Variants in TMEM184B observed in about 807,000 individuals in gnomAD.
TMEM184B encodes putative MAPK-activating protein FM08.
TMEM184B carries 17 observed loss-of-function variants against 41.8 expected under a neutral mutation model. The ratio of observed to expected loss-of-function variants is 0.41; its 90% confidence interval spans 0.28 to 0.61. The LOEUF (loss-of-function observed/expected upper bound fraction) is 0.61, where lower values mean the gene tolerates loss of function less well. Ranked by LOEUF, TMEM184B falls within the 20% of genes least tolerant of loss-of-function variation. The probability of loss-of-function intolerance (pLI) is 0.34; values close to 1 mark genes in which losing one functional copy is unlikely to be tolerated. For missense variants in TMEM184B, 393 were observed against 557.8 expected (o/e 0.70, Z 2.98); for synonymous variants, 240 against 229.5 (o/e 1.05, Z -0.41).
Position 38,221,051 on chromosome 22 carries a change from A to C in TMEM184B, c.*418T>G. The C allele has an allele frequency of 1.9e-6, 2 of 1,033,932 alleles. No individual in the cohort carries two copies. The highest frequency in any genetic ancestry group is 1.2e-6 in the Non-Finnish European group (1 of 860,222). The allele number at this position is 1,033,932 out of a possible 1,614,324, so 64.0% of individuals were successfully genotyped here. ...GGGAAGAGCCCAGGTCAGACAGGGT[A>C]TTGCACGGTGTGTGGGGGAGCCACG... On this transcript the variant is annotated 3_prime_UTR_variant, in exon 9 of 9. Transcript: ENST00000361906.
At chr22:38,245,420 G>T (rs1422573112) in intron 3 of TMEM184B, among the ~76,000 whole-genome samples, 1 of 145,066 alleles carries the variant, frequency 6.9e-6, no homozygotes, top group Non-Finnish European at 1.5e-5. Context: ...GACCCAGGGG[G>T]AGGGCCCTTG....
chr22:38,260,196 C>A (rs1345105344), intron 1 of TMEM184B, among the ~76,000 whole-genome samples: 3 of 152,114 alleles, frequency 2.0e-5, no homozygotes, highest in Non-Finnish European at 4.4e-5. Flanking sequence ...GCGTGATCCA[C>A]CACACCCGGC....
In TMEM184B at chr22:38,219,789, C is replaced by T; in HGVS notation, c.*1680G>A. The T allele has an allele frequency of 1.0e-6, 1 of 985,568 alleles. No homozygotes were observed. Among genetic ancestry groups the T allele is most frequent in the Non-Finnish European group, 1.2e-6 (1 of 830,026 alleles). The allele number at this position is 985,568 out of a possible 1,614,324, so 61.1% of individuals were successfully genotyped here. A position where few individuals can be genotyped will look rare whatever the true frequency, so the allele number is the denominator to read the frequency against. ...AGCAGATGGCGGGGCAGGGCCAGGG[C>T]TGGTCCTCAGCCTGTGTCTGCACCC... is the stretch of plus-strand genomic sequence containing the variant. On this transcript the variant is annotated 3_prime_UTR_variant, in exon 9 of 9. Coordinates refer to ENST00000361906, the MANE Select transcript of TMEM184B (RefSeq NM_012264.5).
rs2091219738 is a variant in TMEM184B, at chr22:38,220,148, C to T, written c.*1321G>A. On this transcript the variant is annotated 3_prime_UTR_variant, in exon 9 of 9. Transcript: ENST00000361906. ...ACACGTGTTGTGACACGAGGCTCTT[C>T]CTAAGTCAGGAGCTAGTATAAGCCC... 1.0e-6 allele frequency: 1 copy of T among 985,476 alleles called. No individual in the cohort carries two copies. The highest frequency in any genetic ancestry group is 1.2e-6 in the Non-Finnish European group (1 of 829,970). 61.0% of individuals were successfully genotyped at this position (985,476 alleles called of 1,614,324 possible).
At chr22:38,224,276 G>A (rs1052727654) in intron 8 of TMEM184B, among the ~76,000 whole-genome samples, 1 of 152,030 alleles carries the variant, frequency 6.6e-6, no homozygotes, top group African/African-American at 2.4e-5. Context: ...CACCACGCCC[G>A]GCTAATTTTT....
chr22:38,264,658 G>A (rs2092418944), intron 1 of TMEM184B, among the ~76,000 whole-genome samples: 1 of 152,176 alleles, frequency 6.6e-6, no homozygotes, highest in South Asian at 2.1e-4. Context: ...TGAGGAGATG[G>A]AGGCGGGTCT....
intron 1 of TMEM184B, among the ~76,000 whole-genome samples, chr22:38,261,447 C>A (rs1286302393): frequency 6.6e-6 from 1 of 152,168 alleles, no homozygotes; most frequent in African/African-American, 2.4e-5. Flanking sequence ...AATCTCTCAA[C>A]CAGGAAAGCA....
At chr22:38,253,701 A>G (rs1483203455) in intron 1 of TMEM184B, among the ~76,000 whole-genome samples, 1 of 152,232 alleles carries the variant, frequency 6.6e-6, no homozygotes, top group Non-Finnish European at 1.5e-5. Context: ...AAGACAGGAG[A>G]AAATATTTGA....
Position 38,231,340 on chromosome 22 carries a change from AAG to A in TMEM184B, c.359-8_359-7del, listed in dbSNP as rs768090040. ...GAAATTATAGATGACCAAGGCTGCG[AAG>A]AGAGTGTCCAGGAGAAACCAGTCAA... is the stretch of plus-strand genomic sequence containing the variant. On this transcript the variant is annotated splice_polypyrimidine_tract_variant and splice_region_variant and intron_variant, in intron 3 of 8. Coordinates refer to ENST00000361906, the MANE Select transcript of TMEM184B (RefSeq NM_012264.5). The A allele has an allele frequency of 3.1e-6, 5 of 1,612,986 alleles. No homozygotes were observed. Among genetic ancestry groups the A allele is most frequent in the Non-Finnish European group, 2.5e-6 (3 of 1,179,010 alleles).
chr22:38,267,218 G>A (rs2092456615), intron 1 of TMEM184B, among the ~76,000 whole-genome samples: 1 of 152,070 alleles, frequency 6.6e-6, no homozygotes. Flanking sequence ...GTAAAACATG[G>A]TTGAGCTGGA....
chr22:38,231,207 G>A (rs753666916), intron 4 of TMEM184B, 37 bp downstream of exon 4: 14 of 1,569,756 alleles, frequency 8.9e-6, no homozygotes, highest in African/African-American at 4.0e-5. Context: ...CCCAGGAAAC[G>A]GGGTGGTTTA....
At chr22:38,245,844 C>T (rs2092014432) in intron 3 of TMEM184B, 91 bp downstream of exon 3, 4 of 1,351,418 alleles carry the variant, frequency 3.0e-6, no homozygotes, top group Non-Finnish European at 4.0e-6. Flanking sequence ...CAAGACAGTC[C>T]TCATGAAGCC....
chr22:38,246,295 C>T (rs377718878), intron 2 of TMEM184B, among the ~76,000 whole-genome samples, 195 bp from the exon 3 acceptor site: 1 of 152,212 alleles, frequency 6.6e-6, no homozygotes, highest in African/African-American at 2.4e-5. Context: ...CTCAGACCAG[C>T]GGGCGTGCAC....
chr22:38,250,373 C>T (rs889125792), intron 1 of TMEM184B, among the ~76,000 whole-genome samples: 5 of 152,212 alleles, frequency 3.3e-5, no homozygotes, highest in African/African-American at 1.2e-4. Flanking sequence ...TCTTAACACA[C>T]CAATTGAGAC....
chr22:38,245,904 C>T (rs757597520), intron 3 of TMEM184B, 31 bp downstream of exon 3: 28 of 1,479,542 alleles, frequency 1.9e-5, no homozygotes, highest in Admixed American at 7.2e-5. Flanking sequence ...CAGCCCCCCG[C>T]CAGCCCTCCC....
chr22:38,265,702 T>G (rs938963928), intron 1 of TMEM184B, among the ~76,000 whole-genome samples: 1 of 152,172 alleles, frequency 6.6e-6, no homozygotes, highest in Admixed American at 6.6e-5. Flanking sequence ...TTAATTAATA[T>G]CCTCACACAT....
intron 1 of TMEM184B, 200 bp downstream of exon 1, chr22:38,272,684 G>T: frequency 1.0e-6 from 1 of 985,520 alleles, no homozygotes; most frequent in Admixed American, 6.1e-5. Context: ...CTCGCGGGGC[G>T]GAGAGGAGGC....
rs763264059 is a variant in TMEM184B at position 38,225,491 on chromosome 22, G to A, written c.720C>T (p.Leu240=). ...ACTTGAGGACGGGGCTGTAGGGGCT[G>A]AGCAGCTCCCGGGTGGCGAAGTAGA... ...FLFYFATREL[L]SPYSPVLKFF... Residue 240 remains leucine (L), a synonymous_variant, in exon 7 of 9, where the codon CTC becomes CTT. Coordinates refer to ENST00000361906, the MANE Select transcript of TMEM184B (RefSeq NM_012264.5). The surrounding 1 kb of genome is among the most constrained non-coding windows in gnomAD (Gnocchi z 4.4). The A allele has an allele frequency of 2.2e-5, 35 of 1,596,610 alleles. No homozygotes were observed. Among genetic ancestry groups the A allele is most frequent in the East Asian group, 2.1e-4 (9 of 43,582 alleles).
chr22:38,224,500 C>T (rs1459941389), intron 8 of TMEM184B, among the ~76,000 whole-genome samples: 3 of 152,128 alleles, frequency 2.0e-5, no homozygotes, highest in Admixed American at 1.3e-4. Flanking sequence ...GTTAGAAGCC[C>T]GAGGGAATTT....
Sources: gnomAD v4.1 joint callset for allele counts (sites outside exome capture counted in the v4.1 genomes callset) on GRCh38, gnomAD v4.1.1 for gene constraint, Gnocchi (gnomAD v3.1) non-coding constraint, MANE v1.5 for transcripts, NCBI Gene and HGNC (gene_info 2026-07-23, HGNC 2026-07-21) for gene names.